SLC17A5: variants seen among roughly 807,000 people sequenced by gnomAD.
SLC17A5 encodes sialin.
Under a neutral mutation model 59.4 loss-of-function variants are expected in SLC17A5, and 47 were observed. That is an observed-to-expected ratio of 0.79 (90% CI 0.63 to 1.01). The LOEUF (loss-of-function observed/expected upper bound fraction) is 1.01, where lower values mean the gene tolerates loss of function less well. SLC17A5 is among the 50% of genes least tolerant of loss of function. SLC17A5 has a pLI of 0.00. For missense variants in SLC17A5, 522 were observed against 595.5 expected (o/e 0.88, Z 1.28); for synonymous variants, 202 against 210.7 (o/e 0.96, Z 0.36).
intron 6 of SLC17A5, among the ~76,000 whole-genome samples, chr6:73,624,558 T>TC (rs1458821094): frequency 6.6e-6 from 1 of 152,094 alleles, no homozygotes; most frequent in African/African-American, 2.4e-5. Flanking sequence ...TACATAAGTA[T>TC]CATAGTACAT....
intron 1 of SLC17A5, among the ~76,000 whole-genome samples, chr6:73,646,107 T>C (rs1355479206): frequency 2.0e-5 from 3 of 152,188 alleles, no homozygotes; most frequent in Non-Finnish European, 4.4e-5. Flanking sequence ...CAATGACATA[T>C]TAAAATTAAA....
intron 1 of SLC17A5, among the ~76,000 whole-genome samples, chr6:73,649,040 C>G (rs1015377732): frequency 6.6e-5 from 10 of 151,446 alleles, no homozygotes; most frequent in African/African-American, 2.4e-4. Context: ...CTCTGTCTCC[C>G]AGGCTGGAGT....
chr6:73,642,946 G>C (rs1367099472), intron 2 of SLC17A5, among the ~76,000 whole-genome samples: 1 of 152,116 alleles, frequency 6.6e-6, no homozygotes, highest in African/African-American at 2.4e-5. Context: ...GGTTGGAGTG[G>C]AGAAAGTGAG....
rs150292393 is a variant in SLC17A5 at position 73,603,193 on chromosome 6, G to C, written c.1260-2752C>G. On this transcript the variant is annotated intron_variant, in intron 9 of 10. Coordinates refer to ENST00000355773, the MANE Select transcript of SLC17A5 (RefSeq NM_012434.5). ...GTCGCTCAGGCTGGAGTACAGTGGC[G>C]CGATCTCAGCTCATTGCAACCTCCG... 1.7e-3 allele frequency among the ~76,000 whole-genome samples: 264 copies of C among 151,716 alleles called. 1 individual carries two copies. The highest frequency in any genetic ancestry group is 6.0e-3 in the African/African-American group (248 of 41,340).
intron 10 of SLC17A5, among the ~76,000 whole-genome samples, chr6:73,599,737 C>A (rs1197445654): frequency 6.6e-6 from 1 of 152,040 alleles, no homozygotes; most frequent in East Asian, 1.9e-4. Context: ...GGAACACTAT[C>A]TGTCGGATAT....
intron 9 of SLC17A5, among the ~76,000 whole-genome samples, chr6:73,605,786 T>C (rs1267077458): frequency 6.6e-6 from 1 of 152,006 alleles, no homozygotes; most frequent in Non-Finnish European, 1.5e-5. Context: ...GAGACCAGCA[T>C]GACCAACATG....
At chr6:73,601,050 A>G (rs1317774004) in intron 9 of SLC17A5, among the ~76,000 whole-genome samples, 3 of 140,272 alleles carry the variant, frequency 2.1e-5, no homozygotes, top group African/African-American at 5.4e-5. Flanking sequence ...CCCAGTCTGG[A>G]AAGTGAGGAG....
chr6:73,631,067 GA>G (rs996859808), intron 6 of SLC17A5, among the ~76,000 whole-genome samples: 2 of 143,658 alleles, frequency 1.4e-5, no homozygotes, highest in South Asian at 2.2e-4. Context: ...AAAAAAAAAA[GA>G]AAAAAAGCAG....
At chr6:73,635,322 T>A in intron 6 of SLC17A5, 60 bp downstream of exon 6, 1 of 923,466 alleles carries the variant, frequency 1.1e-6, no homozygotes, top group Non-Finnish European at 1.8e-6. Context: ...AAAACTGATA[T>A]CTTAATTCTG....
chr6:73,634,243 A>G (rs1768897210), intron 6 of SLC17A5, among the ~76,000 whole-genome samples: 1 of 152,200 alleles, frequency 6.6e-6, no homozygotes, highest in South Asian at 2.1e-4. Context: ...ATAATATTAT[A>G]TCATAATAAA....
chr6:73,630,363 T>G (rs1199141006), intron 6 of SLC17A5, among the ~76,000 whole-genome samples: 1 of 152,196 alleles, frequency 6.6e-6, no homozygotes, highest in African/African-American at 2.4e-5. Flanking sequence ...AAAATCCACT[T>G]ATTGTAAGAA....
At chr6:73,647,409 C>T (rs1236360230) in intron 1 of SLC17A5, among the ~76,000 whole-genome samples, 1 of 152,156 alleles carries the variant, frequency 6.6e-6, no homozygotes, top group Non-Finnish European at 1.5e-5. Flanking sequence ...TGTTTAAAGG[C>T]AGAATTAACA....
chr6:73,651,244 T>C (rs1168045584), intron 1 of SLC17A5, among the ~76,000 whole-genome samples: 3 of 152,012 alleles, frequency 2.0e-5, no homozygotes, highest in South Asian at 2.1e-4. Context: ...GTGGATCACC[T>C]GAGGTCAGAA....
At chr6:73,616,685 T>C (rs1283361970) in intron 7 of SLC17A5, among the ~76,000 whole-genome samples, 1 of 151,876 alleles carries the variant, frequency 6.6e-6, no homozygotes, top group East Asian at 1.9e-4. Flanking sequence ...CTTGGCTCAT[T>C]GCAACCTCCA....
chr6:73,653,476 T>G (rs1406377158), intron 1 of SLC17A5: 1 of 984,598 alleles, frequency 1.0e-6, no homozygotes, highest in Non-Finnish European at 1.2e-6. Context: ...AACCACCAGC[T>G]CAGCGCCGGC....
chr6:73,605,216 C>T (rs1482650294), intron 9 of SLC17A5, among the ~76,000 whole-genome samples: 1 of 152,046 alleles, frequency 6.6e-6, no homozygotes. Flanking sequence ...TGAATCAGTA[C>T]TTAATATTAT....
At chr6:73,631,062 A>T (rs531772605) in intron 6 of SLC17A5, among the ~76,000 whole-genome samples, 49 of 151,296 alleles carry the variant, frequency 3.2e-4, no homozygotes, top group Non-Finnish European at 5.4e-4. Context: ...AAAAAAAAAA[A>T]AAAAGAAAAA....
intron 9 of SLC17A5, among the ~76,000 whole-genome samples, chr6:73,601,515 G>A (rs1273336652): frequency 8.2e-6 from 1 of 122,332 alleles, no homozygotes; most frequent in Non-Finnish European, 1.7e-5. Flanking sequence ...GAGGTGGGGG[G>A]GTCAGCCCCC....
rs1319451199 is a variant in SLC17A5 at position 73,600,358 on chromosome 6, G to T, written c.1343C>A (p.Thr448Asn). 1 of 1,612,700 alleles carries T rather than the reference G, an allele frequency of 6.2e-7. No homozygotes were observed. The highest frequency in any genetic ancestry group is 1.3e-5 in the African/African-American group (1 of 74,862). The change falls in exon 10 of 11, where the codon ACC becomes AAC. Residue 448 changes from threonine to asparagine, a missense_variant. Transcript: ENST00000355773. ...MVGPVIAKSL[T>N]PDNTVGEWQT... ...AGTAAATTATCTACTTACATCAGGG[G>T]TCAGACTTTTAGCAATGACGGGCCC...
Sources: allele counts gnomAD v4.1 joint callset (sites outside exome capture counted in the v4.1 genomes callset), GRCh38; gene constraint gnomAD v4.1.1; transcripts MANE v1.5; gene names NCBI Gene and HGNC (gene_info 2026-07-23, HGNC 2026-07-21).